PHF21B: variants seen among roughly 807,000 people sequenced by gnomAD.
PHF21B encodes the protein PHD finger protein 21B.
In PHF21B, 22 loss-of-function variants were observed where a neutral mutation model predicts 62.2. That is an observed-to-expected ratio of 0.35 (90% CI 0.25 to 0.51). The LOEUF (loss-of-function observed/expected upper bound fraction) is 0.51, where lower values mean the gene tolerates loss of function less well. Ranked by LOEUF, PHF21B falls within the 20% of genes least tolerant of loss-of-function variation. The pLI, the probability that PHF21B is intolerant of heterozygous loss-of-function variation, is 0.97. For synonymous variants in PHF21B, 341 were observed against 314.7 expected, an observed-to-expected ratio of 1.08 and a Z score of -0.88; for missense variants, 701 against 707.9, an observed-to-expected ratio of 0.99 and a Z score of 0.11.
At position 44,916,429 on chromosome 22, in the gene PHF21B, G is replaced by A. The variant is rs1037898862; in HGVS notation, c.415C>T (p.Leu139Phe). The change falls in exon 4 of 13, where the codon CTC (leucine) becomes TTC (phenylalanine). Residue 139 changes from leucine to phenylalanine, a missense_variant. Physicochemically the swap from Leu to Phe is conservative, Grantham distance 22 (BLOSUM62 0). Coordinates refer to ENST00000313237, the MANE Select transcript of PHF21B (RefSeq NM_138415.5). ...CCCGCACTGCTCAGCGGAGAGGCGA[G>A]GGCGGCGGGCTCGGCGAGGGCCTGG... ...QPQALAEPAALASPLSSAGVA... is the reference protein window; with the variant it reads ...QPQALAEPAAFASPLSSAGVA... 4 of 1,598,370 alleles carry A rather than the reference G, an allele frequency of 2.5e-6. No homozygotes were observed. Among genetic ancestry groups the A allele is most frequent in the Non-Finnish European group, 3.4e-6 (4 of 1,176,438 alleles).
At chr22:44,996,417 C>T (rs553653217) in intron 2 of PHF21B, among the ~76,000 whole-genome samples, 1 of 152,196 alleles carries the variant, frequency 6.6e-6, no homozygotes, top group Non-Finnish European at 1.5e-5. Flanking sequence ...ACAACCAGTT[C>T]TAGCCCCAGA....
intron 2 of PHF21B, among the ~76,000 whole-genome samples, chr22:44,936,582 G>A (rs905769383): frequency 1.6e-4 from 25 of 152,194 alleles, no homozygotes; most frequent in African/African-American, 5.8e-4. Context: ...CGGGTTTCAA[G>A]TGGGACCTTG....
intron 2 of PHF21B, among the ~76,000 whole-genome samples, chr22:45,007,807 G>C (rs1445454422): frequency 6.6e-6 from 1 of 150,920 alleles, no homozygotes; most frequent in Non-Finnish European, 1.5e-5. Flanking sequence ...GCGGCCGGCC[G>C]GGCTCTGGCG....
rs2070960671 is a variant in PHF21B at position 44,891,345 on chromosome 22, A to T, written c.976T>A (p.Ser326Thr). The T allele has an allele frequency of 1.2e-6, 2 of 1,613,794 alleles. No individual in the cohort carries two copies. The highest frequency in any genetic ancestry group is 1.7e-6 in the Non-Finnish European group (2 of 1,180,000). The part of the protein sequence containing the change: ...LLETERKRLA[S>T]NYLNNPLFLT... ...AACAGGGGGTTGTTGAGATAGTTGG[A>T]GGCCAGCCGTTTCCTCTGCAGGGAC... Residue 326 changes from serine (S) to threonine (T), a missense_variant, in exon 8 of 13, where the codon TCC becomes ACC. By Grantham distance (58) the Ser-to-Thr change is moderately conservative. Coordinates refer to ENST00000313237, the MANE Select transcript of PHF21B (RefSeq NM_138415.5).
intron 2 of PHF21B, among the ~76,000 whole-genome samples, chr22:44,954,725 C>T (rs2072260023): frequency 6.6e-6 from 1 of 152,212 alleles, no homozygotes; most frequent in African/African-American, 2.4e-5. Flanking sequence ...CTCTAGGCAC[C>T]GAGCGTATTG....
chr22:44,978,822 G>C (rs1292372256), intron 2 of PHF21B, among the ~76,000 whole-genome samples: 1 of 152,240 alleles, frequency 6.6e-6, no homozygotes, highest in Non-Finnish European at 1.5e-5. Context: ...TTGACAAGAT[G>C]GTTTCATTCT....
intron 2 of PHF21B, among the ~76,000 whole-genome samples, chr22:44,995,790 GCCC>G (rs938571203): frequency 1.2e-5 from 1 of 81,476 alleles, no homozygotes; most frequent in Admixed American, 1.3e-4. Flanking sequence ...TGACCCCCCC[GCCC>G]CCCACCTCCA....
rs6007381 is a variant in PHF21B, at chr22:44,907,670, G to A, written c.831+6152C>T. ...GGCGGAACACAGCTAAGAGATGAGC[G>A]TTCATTACTTACATCTATCCTGATT... On this transcript the variant is annotated intron_variant, in intron 5 of 12. Transcript: ENST00000313237. Among the ~76,000 whole-genome samples the A allele has an allele frequency of 8.8e-3, 1,334 of 152,320 alleles. 17 individuals carry two copies. Among genetic ancestry groups the A allele is most frequent in the African/African-American group, 0.03 (1,233 of 41,566 alleles).
chr22:44,956,103 G>C (rs909754748), intron 2 of PHF21B, among the ~76,000 whole-genome samples: 1 of 152,234 alleles, frequency 6.6e-6, no homozygotes, highest in African/African-American at 2.4e-5. Context: ...CCTCCAGCTT[G>C]ACGACACAGC....
At chr22:44,982,635 G>T (rs2072863865) in intron 2 of PHF21B, among the ~76,000 whole-genome samples, 1 of 152,178 alleles carries the variant, frequency 6.6e-6, no homozygotes, top group African/African-American at 2.4e-5. Context: ...GAAGCCAGAA[G>T]CTCAACTCCC....
In PHF21B at chr22:45,008,528, G is replaced by T; in HGVS notation, c.120+17C>A. The T allele has an allele frequency of 6.4e-7, 1 of 1,560,408 alleles. No homozygotes were observed. Among genetic ancestry groups the T allele is most frequent in the African/African-American group, 1.4e-5 (1 of 74,004 alleles). ...CTCCCGCCCCATCCCAGGGGGGGCC[G>T]CGATCCCATCGCTTACTTGTTTGTC... On this transcript the variant is annotated intron_variant, in intron 2 of 12. Coordinates refer to ENST00000313237, the MANE Select transcript of PHF21B (RefSeq NM_138415.5).
rs1299952516 is a variant in PHF21B, at chr22:44,987,784, CT to C, written c.120+20760del. 5.3e-5 allele frequency among the ~76,000 whole-genome samples: 8 copies of C among 151,252 alleles called. 1 individual carries two copies. Among genetic ancestry groups the C allele is most frequent in the South Asian group, 4.2e-4 (2 of 4,762 alleles). ...TCGTCTCCTCTCTCTCTCTCTCTCT[CT>C]CTCCTCTCCCCCTCCCCCTTCCTTC... On this transcript the variant is annotated intron_variant, in intron 2 of 12. Transcript: ENST00000313237.
Position 44,893,460 on chromosome 22 carries a change from G to A in PHF21B, c.957C>T (p.Thr319=), listed in dbSNP as rs760780800. 4.8e-5 allele frequency: 77 copies of A among 1,595,536 alleles called. No homozygotes were observed. The highest frequency in any genetic ancestry group is 6.8e-5 in the East Asian group (3 of 44,242). Residue 319 remains threonine, a synonymous_variant, in exon 7 of 13, where the codon ACC becomes ACT. Transcript: ENST00000313237. The part of the protein sequence containing the change: ...ANPAYSGLLE[T]ERKRLASNYL... ...ATGGGGCTGGCGGGTTCCCCACCTC[G>A]GTCTCCAGGAGGCCGCTGTAGGCAG...
At chr22:44,897,261 G>A (rs2071077616) in intron 5 of PHF21B, among the ~76,000 whole-genome samples, 1 of 152,000 alleles carries the variant, frequency 6.6e-6, no homozygotes, top group Non-Finnish European at 1.5e-5. Context: ...ACATTCTTTG[G>A]TGGTGGAAGG....
intron 3 of PHF21B, among the ~76,000 whole-genome samples, chr22:44,917,250 G>A (rs1211001665): frequency 2.0e-5 from 3 of 152,236 alleles, no homozygotes; most frequent in Non-Finnish European, 4.4e-5. Flanking sequence ...GGCTCCTCTG[G>A]GGTCCTGGTG....
At chr22:44,978,920 T>A (rs894410538) in intron 2 of PHF21B, among the ~76,000 whole-genome samples, 1 of 152,178 alleles carries the variant, frequency 6.6e-6, no homozygotes, top group Admixed American at 6.5e-5. Context: ...AGATCCCAGG[T>A]GAGGCAGGCC....
At chr22:44,975,543 G>C (rs914631508) in intron 2 of PHF21B, among the ~76,000 whole-genome samples, 2 of 152,216 alleles carry the variant, frequency 1.3e-5, no homozygotes, top group Non-Finnish European at 2.9e-5. Flanking sequence ...CAGCAGAGAG[G>C]GTTTTCTAAG....
At chr22:44,963,505 T>A (rs771127179) in intron 2 of PHF21B, among the ~76,000 whole-genome samples, 1 of 152,216 alleles carries the variant, frequency 6.6e-6, no homozygotes, top group Non-Finnish European at 1.5e-5. Context: ...TCTCCAATCC[T>A]TTCTCAGCAA....
At chr22:45,007,322 G>C (rs902161896) in intron 2 of PHF21B, among the ~76,000 whole-genome samples, 4 of 151,906 alleles carry the variant, frequency 2.6e-5, no homozygotes, top group African/African-American at 9.7e-5. Flanking sequence ...TCTCTCGCCA[G>C]GGTCACCGGC....
Sources: allele counts gnomAD v4.1 joint callset (sites outside exome capture counted in the v4.1 genomes callset), GRCh38; gene constraint gnomAD v4.1.1; transcripts MANE v1.5; gene names NCBI Gene and HGNC (gene_info 2026-07-23, HGNC 2026-07-21).